Variants in GRB10 observed in about 807,000 individuals in gnomAD.
The protein encoded by GRB10 is growth factor receptor-bound protein 10.
GRB10 carries 20 observed loss-of-function variants against 80.9 expected under a neutral mutation model. The ratio of observed to expected loss-of-function variants is 0.25; its 90% CI spans 0.17 to 0.36. The LOEUF (loss-of-function observed/expected upper bound fraction) is 0.36. Ranked by LOEUF, GRB10 falls within the 10% of genes least tolerant of loss-of-function variation. GRB10 has a pLI of 1.00. For synonymous variants in GRB10, 291 were observed against 291.5 expected (o/e 1.00, Z 0.02); for missense variants, 548 against 747.7 (o/e 0.73, Z 3.12).
intron 1 of GRB10, among the ~76,000 whole-genome samples, chr7:50,787,967 C>T (rs2078764186): frequency 6.6e-6 from 1 of 152,138 alleles, no homozygotes; most frequent in Non-Finnish European, 1.5e-5. Context: ...GAACATGACC[C>T]AGCCAGCTCA....
At chr7:50,668,189 C>T (rs1202460694) in intron 7 of GRB10, among the ~76,000 whole-genome samples, 1 of 152,118 alleles carries the variant, frequency 6.6e-6, no homozygotes, top group African/African-American at 2.4e-5. Flanking sequence ...ACGGGACCCA[C>T]ACTTGGGAGC....
intron 5 of GRB10, among the ~76,000 whole-genome samples, chr7:50,687,039 C>T (rs1218592681): frequency 1.3e-5 from 2 of 152,134 alleles, no homozygotes; most frequent in East Asian, 3.9e-4. Flanking sequence ...GCTCAGTACA[C>T]GTTAGTTGAG....
chr7:50,628,549 G>A (rs2053412806), intron 7 of GRB10, among the ~76,000 whole-genome samples: 1 of 138,520 alleles, frequency 7.2e-6, no homozygotes, highest in Admixed American at 7.5e-5. Flanking sequence ...TGTCACTCAA[G>A]CCTGAGTGCC....
chr7:50,768,835 G>A (rs1037873783), intron 2 of GRB10, among the ~76,000 whole-genome samples: 5 of 152,270 alleles, frequency 3.3e-5, no homozygotes, highest in Non-Finnish European at 7.4e-5. Context: ...ACAGGGAACC[G>A]CCCTCCACAG....
intron 7 of GRB10, among the ~76,000 whole-genome samples, chr7:50,646,142 C>A (rs1355054297): frequency 1.3e-5 from 2 of 152,186 alleles, no homozygotes; most frequent in Non-Finnish European, 2.9e-5. Context: ...TTAGAAAAAG[C>A]TGCAAACAAA....
At chr7:50,684,239 G>A (rs113117453) in intron 5 of GRB10, among the ~76,000 whole-genome samples, 2,803 of 132,816 alleles carry the variant, frequency 0.021, 110 homozygotes, top group African/African-American at 0.079. Flanking sequence ...ATAGCCTGGC[G>A]GCCAGACAAC....
At chr7:50,758,022 A>G (rs2075299903) in intron 2 of GRB10, among the ~76,000 whole-genome samples, 1 of 152,154 alleles carries the variant, frequency 6.6e-6, no homozygotes, top group Non-Finnish European at 1.5e-5. Flanking sequence ...ATTTTTGTCT[A>G]TTTTCTAGGA....
intron 7 of GRB10, among the ~76,000 whole-genome samples, chr7:50,631,242 T>C (rs943939400): frequency 6.6e-6 from 1 of 152,222 alleles, no homozygotes; most frequent in African/African-American, 2.4e-5. Context: ...TGTGAGTCTT[T>C]GCTCAAGGCT....
intron 10 of GRB10, among the ~76,000 whole-genome samples, chr7:50,617,078 C>T (rs73131078): frequency 0.083 from 12,625 of 152,196 alleles, 795 homozygotes; most frequent in South Asian, 0.13. Context: ...CACATCTTCA[C>T]AAAGCGCATG....
chr7:50,654,258 C>G (rs955747387), intron 7 of GRB10, among the ~76,000 whole-genome samples: 39 of 152,336 alleles, frequency 2.6e-4, no homozygotes, highest in African/African-American at 9.1e-4. Flanking sequence ...GGAGGTGGCT[C>G]TGCGAGTGTT....
At chr7:50,701,082 G>A (rs2064143853) in intron 5 of GRB10, among the ~76,000 whole-genome samples, 1 of 151,934 alleles carries the variant, frequency 6.6e-6, no homozygotes, top group African/African-American at 2.4e-5. Flanking sequence ...ACTTGATGTT[G>A]TTTGATTGTT....
At chr7:50,602,946 G>T (rs1403434175) in intron 17 of GRB10, among the ~76,000 whole-genome samples, 1 of 152,186 alleles carries the variant, frequency 6.6e-6, no homozygotes, top group East Asian at 1.9e-4. Context: ...AGATGAAGAG[G>T]AGGAGGAGGA....
At chr7:50,617,010 G>A (rs550156691) in intron 10 of GRB10, among the ~76,000 whole-genome samples, 60 of 152,330 alleles carry the variant, frequency 3.9e-4, no homozygotes, top group African/African-American at 1.3e-3. Context: ...GGAAAGGCAC[G>A]TCGGACAGAG....
At chr7:50,617,940 G>C (rs1000826932) in intron 10 of GRB10, 131 bp downstream of exon 10, 95 of 790,504 alleles carry the variant, frequency 1.2e-4, no homozygotes, top group Non-Finnish European at 1.6e-4. Flanking sequence ...CCACCCCTCC[G>C]GCTTAAGAGC....
rs556668898 is a variant in GRB10, at chr7:50,681,394, C to T, written c.140-6736G>A. On this transcript the variant is annotated intron_variant, in intron 5 of 18. Coordinates refer to ENST00000401949, the MANE Select transcript of GRB10 (RefSeq NM_001350814.2). The stretch of plus-strand genomic sequence containing the variant: ...TCCAGTCTTCCGGCCTCCTCTTAGT[C>T]CCAACTCGAGGGGCGATGGTGTTTA... 4.6e-4 allele frequency among the ~76,000 whole-genome samples: 70 copies of T among 152,336 alleles called. No individual in the cohort carries two copies. The East Asian group carries it at 0.012, about 26-fold the overall frequency.
intron 4 of GRB10, among the ~76,000 whole-genome samples, chr7:50,707,785 C>T (rs1482783682): frequency 1.3e-5 from 2 of 152,194 alleles, no homozygotes; most frequent in Non-Finnish European, 2.9e-5. Context: ...CCAGGCCTGT[C>T]CTGCAAGGAG....
chr7:50,675,456 T>G (rs2060828731), intron 5 of GRB10, among the ~76,000 whole-genome samples: 1 of 152,236 alleles, frequency 6.6e-6, no homozygotes. Flanking sequence ...AACACTAGAC[T>G]AGATGCTGTG....
chr7:50,675,331 T>TGA (rs745398464), intron 5 of GRB10, among the ~76,000 whole-genome samples: 5 of 151,906 alleles, frequency 3.3e-5, no homozygotes, highest in African/African-American at 7.3e-5. Context: ...AGAGAGTAAG[T>TGA]GAGAGAGAGA....
intron 5 of GRB10, among the ~76,000 whole-genome samples, chr7:50,680,776 T>C (rs1204205799): frequency 6.6e-6 from 1 of 152,228 alleles, no homozygotes; most frequent in Non-Finnish European, 1.5e-5. Context: ...TACAGGTGGT[T>C]TCTTAATTAT....
Sources: allele counts gnomAD v4.1 joint callset (sites outside exome capture counted in the v4.1 genomes callset), GRCh38; gene constraint gnomAD v4.1.1; transcripts MANE v1.5; gene names NCBI Gene and HGNC (gene_info 2026-07-23, HGNC 2026-07-21).